NRXN1: variants seen among roughly 807,000 people sequenced by gnomAD.
NRXN1 encodes neurexin-1.
Under a neutral mutation model 150.9 loss-of-function variants are expected in NRXN1, and 39 were observed. That is an observed-to-expected ratio of 0.26 (90% CI 0.20 to 0.34). The LOEUF is 0.34. NRXN1 is among the 10% of genes least tolerant of loss of function. NRXN1 has a pLI of 1.00. For missense variants in NRXN1, 1,815 were observed against 1,949.9 expected (o/e 0.93, Z 1.30); for synonymous variants, 924 against 757.0 (o/e 1.22, Z -3.62).
chr2:50,452,349 G>A (rs1396993154), intron 17 of NRXN1, among the ~76,000 whole-genome samples: 1 of 152,082 alleles, frequency 6.6e-6, no homozygotes, highest in African/African-American at 2.4e-5. Context: ...TGAGGGTTGA[G>A]GAAAAAGAAG....
At chr2:50,113,519 C>T (rs1702642840) in intron 18 of NRXN1, among the ~76,000 whole-genome samples, 2 of 152,202 alleles carry the variant, frequency 1.3e-5, no homozygotes, top group Admixed American at 1.3e-4. Context: ...AACCATAACT[C>T]ACCTTTGTAG....
At chr2:50,034,037 G>A (rs549109520) in intron 21 of NRXN1, among the ~76,000 whole-genome samples, 2 of 151,198 alleles carry the variant, frequency 1.3e-5, no homozygotes, top group Non-Finnish European at 2.9e-5. Context: ...CTTATACACT[G>A]TTGGGGGGAG....
In NRXN1 at chr2:50,098,830, G is replaced by GTTTTTTTTTTTT. The variant is rs746736925; in HGVS notation, c.3547-7348_3547-7337dup. On this transcript the variant is annotated intron_variant, in intron 18 of 22. Transcript: ENST00000401669. ...GTGCATGGTTTTGTTTTTGGTTTTA[G>GTTTTTTTTTTTT]TTTTTTTTTTTTTTTTTTTTTTTTT... Among the ~76,000 whole-genome samples, 18 of 105,558 alleles carry GTTTTTTTTTTTT rather than the reference G, an allele frequency of 1.7e-4. 1 individual carries two copies. The highest frequency in any genetic ancestry group is 2.3e-4 in the Non-Finnish European group (12 of 51,618). The allele number at this position is 105,558 out of a possible 152,430, so 69.3% of individuals were successfully genotyped here.
At chr2:50,662,379 T>C (rs1182777444) in intron 5 of NRXN1, among the ~76,000 whole-genome samples, 1 of 152,000 alleles carries the variant, frequency 6.6e-6, no homozygotes, top group East Asian at 1.9e-4. Context: ...TCTAGCCAAG[T>C]ATGAATGGTT....
At chr2:50,547,842 G>A (rs2093528993) in intron 9 of NRXN1, among the ~76,000 whole-genome samples, 1 of 152,060 alleles carries the variant, frequency 6.6e-6, no homozygotes, top group African/African-American at 2.4e-5. Context: ...TTAGTGAGCA[G>A]GCAGTGGAAG....
chr2:50,727,495 A>G (rs1697533381), intron 5 of NRXN1, among the ~76,000 whole-genome samples: 1 of 152,108 alleles, frequency 6.6e-6, no homozygotes, highest in Admixed American at 6.6e-5. Flanking sequence ...AACAAATTTT[A>G]AGTTGTTTTT....
chr2:50,715,266 G>A (rs1354573134), intron 5 of NRXN1, among the ~76,000 whole-genome samples: 1 of 152,094 alleles, frequency 6.6e-6, no homozygotes, highest in Non-Finnish European at 1.5e-5. Flanking sequence ...CTGATAGGCA[G>A]GGTGGAATGG....
intron 2 of NRXN1, among the ~76,000 whole-genome samples, chr2:50,930,568 T>A (rs1687589791): frequency 6.6e-6 from 1 of 152,132 alleles, no homozygotes; most frequent in Non-Finnish European, 1.5e-5. Flanking sequence ...CATGAGGAAC[T>A]ACTACAAGGA....
intron 5 of NRXN1, among the ~76,000 whole-genome samples, chr2:50,734,205 A>G (rs758749168): frequency 6.6e-6 from 1 of 152,156 alleles, no homozygotes; most frequent in Non-Finnish European, 1.5e-5. Context: ...CATGTCTACC[A>G]TGCCAATCTT....
At chr2:50,521,973 A>G (rs1332049143) in intron 12 of NRXN1, among the ~76,000 whole-genome samples, 1 of 152,168 alleles carries the variant, frequency 6.6e-6, no homozygotes, top group Non-Finnish European at 1.5e-5. Flanking sequence ...CTCTTTCTAG[A>G]AAAGTCGAAT....
At chr2:50,044,491 A>G (rs1306823527) in intron 21 of NRXN1, among the ~76,000 whole-genome samples, 2 of 152,230 alleles carry the variant, frequency 1.3e-5, no homozygotes, top group Admixed American at 6.5e-5. Context: ...AGTGTCTAGC[A>G]CATTGCCAAC....
At chr2:50,392,159 C>T (rs557240372) in intron 17 of NRXN1, among the ~76,000 whole-genome samples, 40 of 152,236 alleles carry the variant, frequency 2.6e-4, no homozygotes, top group African/African-American at 7.5e-4. Context: ...TGATAACTAG[C>T]GATGAATTCA....
At chr2:50,427,378 AGCCC>A (rs1434447749) in intron 17 of NRXN1, among the ~76,000 whole-genome samples, 1 of 151,480 alleles carries the variant, frequency 6.6e-6, no homozygotes, top group Non-Finnish European at 1.5e-5. Context: ...AAAAAAAAAA[AGCCC>A]ATAACATTCT....
At chr2:50,559,658 C>G (rs1000209933) in intron 8 of NRXN1, among the ~76,000 whole-genome samples, 1 of 152,122 alleles carries the variant, frequency 6.6e-6, no homozygotes, top group African/African-American at 2.4e-5. Context: ...TACCCAGATA[C>G]ACTATATGTC....
intron 5 of NRXN1, among the ~76,000 whole-genome samples, chr2:50,796,462 C>T (rs1358097536): frequency 6.6e-6 from 1 of 152,146 alleles, no homozygotes; most frequent in Non-Finnish European, 1.5e-5. Context: ...CTCTCTCCTT[C>T]TCTCTACTTC....
At chr2:50,156,237 C>G (rs938587111) in intron 18 of NRXN1, among the ~76,000 whole-genome samples, 7 of 151,730 alleles carry the variant, frequency 4.6e-5, no homozygotes, top group African/African-American at 1.7e-4. Flanking sequence ...CCTGAAAATA[C>G]AGAGTAAAGG....
chr2:50,911,700 T>C (rs1442129175), intron 5 of NRXN1, among the ~76,000 whole-genome samples: 3 of 151,924 alleles, frequency 2.0e-5, no homozygotes, highest in African/African-American at 7.2e-5. Context: ...TTTTCCATTG[T>C]ACATTATTGA....
chr2:49,999,637 T>G (rs937140738), intron 21 of NRXN1, among the ~76,000 whole-genome samples: 1 of 152,194 alleles, frequency 6.6e-6, no homozygotes, highest in African/African-American at 2.4e-5. Context: ...AATTTCAAAT[T>G]AACTGTTAAG....
intron 15 of NRXN1, among the ~76,000 whole-genome samples, chr2:50,475,126 T>C (rs1019909889): frequency 1.3e-5 from 2 of 152,086 alleles, no homozygotes; most frequent in Non-Finnish European, 2.9e-5. Flanking sequence ...AAATTTCAGC[T>C]CTCCTCCAGG....
Sources: gnomAD v4.1 joint callset for allele counts (sites outside exome capture counted in the v4.1 genomes callset) on GRCh38, gnomAD v4.1.1 for gene constraint, MANE v1.5 for transcripts, NCBI Gene and HGNC (gene_info 2026-07-23, HGNC 2026-07-21) for gene names.